The following PRMT8 variants were observed in gnomAD, a reference collection of about 807,000 sequenced individuals.
PRMT8 encodes protein arginine N-methyltransferase 8.
PRMT8 carries 7 observed loss-of-function variants against 47.1 expected under a neutral mutation model. That is an observed-to-expected ratio of 0.15 (90% confidence interval 0.08 to 0.28). The LOEUF (loss-of-function observed/expected upper bound fraction) is 0.28, where lower values mean the gene tolerates loss of function less well. PRMT8 is among the 10% of genes least tolerant of loss of function. The pLI, the probability that PRMT8 is intolerant of heterozygous loss-of-function variation, is 1.00. For missense variants in PRMT8, 237 were observed against 505.4 expected (o/e 0.47, Z 5.09); for synonymous variants, 188 against 186.5 (o/e 1.01, Z -0.07).
chr12:3,402,306 G>A (rs748926526), intron 1 of PRMT8, among the ~76,000 whole-genome samples: 3 of 152,092 alleles, frequency 2.0e-5, no homozygotes, highest in Non-Finnish European at 2.9e-5. Context: ...CCTTCCTTAC[G>A]TCATATACAA....
In PRMT8 at chr12:3,577,450, C is replaced by G. The variant is rs146042311; in HGVS notation, c.828+464C>G. ...CCTGCCAGATAGAGCTTCCAGCTGC[C>G]CCTTCCTGAGCGTCCCTGTTCATGC... On this transcript the variant is annotated intron_variant, in intron 7 of 9. Coordinates refer to ENST00000382622, the MANE Select transcript of PRMT8 (RefSeq NM_019854.5). Among the ~76,000 whole-genome samples the G allele has an allele frequency of 7.0e-3, 1,067 of 151,832 alleles. 12 individuals are homozygous for G. Among genetic ancestry groups the G allele is most frequent in the Middle Eastern group, 0.024 (7 of 292 alleles).
intron 7 of PRMT8, 56 bp downstream of exon 7, chr12:3,577,042 C>T: frequency 6.8e-7 from 1 of 1,467,752 alleles, no homozygotes; most frequent in Non-Finnish European, 9.5e-7. Context: ...GCTGTGCCAC[C>T]CTGGAGTCCA....
chr12:3,422,672 A>C (rs943123108), intron 1 of PRMT8, among the ~76,000 whole-genome samples: 1 of 152,240 alleles, frequency 6.6e-6, no homozygotes, highest in African/African-American at 2.4e-5. Context: ...AATGTCTGAA[A>C]TCTATAGATA....
intron 1 of PRMT8, among the ~76,000 whole-genome samples, chr12:3,467,105 T>G: frequency 6.6e-6 from 1 of 151,632 alleles, no homozygotes; most frequent in East Asian, 1.9e-4. Context: ...CCGGGCGTGG[T>G]GGCGGGTGCC....
At chr12:3,405,535 G>A (rs1008985794) in intron 1 of PRMT8, among the ~76,000 whole-genome samples, 1 of 152,112 alleles carries the variant, frequency 6.6e-6, no homozygotes, top group Non-Finnish European at 1.5e-5. Context: ...AGTCCCTTTC[G>A]CCTATAAAAT....
At chr12:3,443,481 G>T (rs1455608756) in intron 1 of PRMT8, among the ~76,000 whole-genome samples, 13 of 152,010 alleles carry the variant, frequency 8.6e-5, no homozygotes. Context: ...TCACCATAAA[G>T]TCTTGCCAAG....
intron 1 of PRMT8, among the ~76,000 whole-genome samples, chr12:3,527,594 T>C (rs1293939340): frequency 2.0e-5 from 3 of 152,134 alleles, no homozygotes; most frequent in African/African-American, 7.2e-5. Context: ...ATATCACCAT[T>C]CCTCCCCTTT....
intron 1 of PRMT8, among the ~76,000 whole-genome samples, chr12:3,471,681 C>T (rs530349277): frequency 2.0e-4 from 31 of 151,834 alleles, no homozygotes; most frequent in Admixed American, 5.2e-4. Flanking sequence ...TCTAGTCACA[C>T]GAGCAGCTGC....
At chr12:3,585,462 G>A (rs947975473) in intron 8 of PRMT8, among the ~76,000 whole-genome samples, 1 of 141,740 alleles carries the variant, frequency 7.1e-6, no homozygotes, top group Non-Finnish European at 1.5e-5. Flanking sequence ...GGGCTCAAGC[G>A]ATCCTCCTGC....
At chr12:3,556,463 T>G (rs1330921400) in intron 4 of PRMT8, among the ~76,000 whole-genome samples, 1 of 151,844 alleles carries the variant, frequency 6.6e-6, no homozygotes, top group Non-Finnish European at 1.5e-5. Context: ...AGGGATCTGG[T>G]CCGGTAAGAA....
At chr12:3,578,131 G>A (rs1183562065) in intron 7 of PRMT8, among the ~76,000 whole-genome samples, 1 of 151,974 alleles carries the variant, frequency 6.6e-6, no homozygotes, top group Non-Finnish European at 1.5e-5. Context: ...AATTTTTTTT[G>A]AGACAGAATC....
At chr12:3,512,414 T>A (rs1865726507) in intron 1 of PRMT8, among the ~76,000 whole-genome samples, 3 of 152,174 alleles carry the variant, frequency 2.0e-5, no homozygotes, top group Admixed American at 2.0e-4. Flanking sequence ...GCAGGCACTT[T>A]AAATTCAACA....
At chr12:3,545,809 C>CAA (rs200895026) in intron 2 of PRMT8, among the ~76,000 whole-genome samples, 1 of 151,668 alleles carries the variant, frequency 6.6e-6, no homozygotes, top group Non-Finnish European at 1.5e-5. Flanking sequence ...CACAAATGCA[C>CAA]AAAAAAAATC....
intron 1 of PRMT8, among the ~76,000 whole-genome samples, chr12:3,534,661 G>A (rs568188577): frequency 2.0e-5 from 3 of 152,238 alleles, no homozygotes; most frequent in South Asian, 2.1e-4. Context: ...CCACTGAAGC[G>A]CTCTCCTCTG....
In PRMT8 at chr12:3,435,031, C is replaced by T. The variant is rs565464840; in HGVS notation, c.48+53589C>T. On this transcript the variant is annotated intron_variant, in intron 1 of 9. Coordinates refer to the PRMT8 transcript ENST00000452611. ...TCTCTCAGGCTGGAGTGCAGGGGCG[C>T]GATCTCGGCTCATTTCAACCTCTAC... Among the ~76,000 whole-genome samples, 34 of 148,978 alleles carry T rather than the reference C, an allele frequency of 2.3e-4. 1 individual carries two copies. The East Asian group carries it at 5.1e-3, about 22-fold the overall frequency.
At chr12:3,540,812 G>T in intron 2 of PRMT8, 21 bp downstream of exon 2, 1 of 1,607,358 alleles carries the variant, frequency 6.2e-7, no homozygotes. Flanking sequence ...CCGAGTGGGT[G>T]GCTAATGGGG....
In PRMT8 at chr12:3,569,269, T is replaced by C. The variant is rs1458345612; in HGVS notation, c.625-208T>C. On this transcript the variant is annotated intron_variant, in intron 5 of 9. Transcript: ENST00000382622. This position sits in a 1 kb window ranked among gnomAD's most constrained non-coding sequence, Gnocchi z 8.2. Reference sequence around the variant, plus strand: ...ACCTCACCTCATTTGTCCTATTGACTCCACCTAGGTCCCTTAAATTTTCCT... The same window carrying C: ...ACCTCACCTCATTTGTCCTATTGACCCCACCTAGGTCCCTTAAATTTTCCT... Among the ~76,000 whole-genome samples the C allele has an allele frequency of 2.6e-5, 4 of 152,202 alleles. No homozygotes were observed. Among genetic ancestry groups the C allele is most frequent in the African/African-American group, 9.7e-5 (4 of 41,450 alleles).
At chr12:3,475,837 G>T (rs1348358117) in intron 1 of PRMT8, among the ~76,000 whole-genome samples, 1 of 152,226 alleles carries the variant, frequency 6.6e-6, no homozygotes, top group Non-Finnish European at 1.5e-5. Context: ...ACTCTTGTTT[G>T]TTATGCTCAT....
At chr12:3,588,219 T>C (rs1337305213) in intron 8 of PRMT8, among the ~76,000 whole-genome samples, 1 of 152,232 alleles carries the variant, frequency 6.6e-6, no homozygotes, top group Non-Finnish European at 1.5e-5. Context: ...TCCTGTGACA[T>C]TGAGTCATTT....
Sources: allele counts gnomAD v4.1 joint callset (sites outside exome capture counted in the v4.1 genomes callset), GRCh38; gene constraint gnomAD v4.1.1; non-coding constraint Gnocchi (gnomAD v3.1); transcripts MANE v1.5; gene names NCBI Gene and HGNC (gene_info 2026-07-23, HGNC 2026-07-21).